MICAL3: variants seen among roughly 807,000 people sequenced by gnomAD.
The protein encoded by MICAL3 is [F-actin]-monooxygenase MICAL3.
A neutral mutation model predicts 207.4 loss-of-function variants in MICAL3; 62 were observed. The ratio of observed to expected loss-of-function variants is 0.30; its 90% CI spans 0.24 to 0.37. The LOEUF (loss-of-function observed/expected upper bound fraction) is 0.37, where lower values mean the gene tolerates loss of function less well. MICAL3 is among the 10% of genes least tolerant of loss of function. The pLI is 1.00. For synonymous variants in MICAL3, 1,077 were observed against 1,069.3 expected, an observed-to-expected ratio of 1.01 and a Z score of -0.14; for missense variants, 2,368 against 2,635.6, an observed-to-expected ratio of 0.90 and a Z score of 2.22.
chr22:17,858,148 A>G (rs2146119656), intron 19 of MICAL3, among the ~76,000 whole-genome samples: 1 of 152,316 alleles, frequency 6.6e-6, no homozygotes, highest in Non-Finnish European at 1.5e-5. Flanking sequence ...CCGGGCAATG[A>G]AACGTGTTTC....
At chr22:17,849,875 G>A (rs1925104953) in intron 19 of MICAL3, among the ~76,000 whole-genome samples, 1 of 150,084 alleles carries the variant, frequency 6.7e-6, no homozygotes, top group Non-Finnish European at 1.5e-5. Context: ...TATATTTTTA[G>A]TACAGACGGG....
chr22:17,910,910 C>T (rs1322556475), intron 1 of MICAL3, among the ~76,000 whole-genome samples: 1 of 152,212 alleles, frequency 6.6e-6, no homozygotes, highest in African/African-American at 2.4e-5. Flanking sequence ...TTCATAATCA[C>T]AGGAACCTGG....
chr22:17,841,962 G>A lies in MICAL3; in HGVS notation c.2661C>T (p.Thr887=). The part of the protein sequence containing the change: ...EPSIAKRLRG[T]PERIELENYR... ...AGTTCTCCAGCTCGATCCGCTCTGG[G>A]GTGCCCCTCAGTCGCTTGGCGATGC... is the stretch of plus-strand genomic sequence containing the variant. Residue 887 remains threonine (T), a synonymous_variant, in exon 20 of 32, where the codon ACC becomes ACT. Transcript: ENST00000441493. The surrounding 1 kb of genome is among the most constrained non-coding windows in gnomAD (Gnocchi z 4.2). 1 of 1,607,328 alleles carries A rather than the reference G, an allele frequency of 6.2e-7. No homozygotes were observed. The highest frequency in any genetic ancestry group is 2.2e-5 in the East Asian group (1 of 44,836).
intron 1 of MICAL3, among the ~76,000 whole-genome samples, chr22:17,975,762 G>A (rs1220260977): frequency 6.6e-6 from 1 of 152,164 alleles, no homozygotes; most frequent in Non-Finnish European, 1.5e-5. Context: ...CCTGGCATAT[G>A]TCCTCATGTT....
intron 16 of MICAL3, among the ~76,000 whole-genome samples, chr22:17,877,215 AT>A (rs1928725679): frequency 3.5e-5 from 4 of 113,426 alleles, no homozygotes; most frequent in Admixed American, 1.6e-4. Context: ...TATGGAGGTT[AT>A]GGAGGTTAGG....
chr22:17,906,786 C>A lies in MICAL3; in HGVS notation c.27G>T (p.Met9Ile), dbSNP rs778125499. The stretch of plus-strand genomic sequence containing the variant: ...GGTCAAAGAGGACATGAGCTGGGTT[C>A]ATGGTCTCATGCTTCCTCTCCTCCA... Reference protein sequence around the residue: MEERKHETMNPAHVLFDRF... With the variant: MEERKHETINPAHVLFDRF... Residue 9 changes from methionine (M) to isoleucine (I), a missense_variant, in exon 2 of 32, where the codon ATG becomes ATT. Transcript: ENST00000441493. 6 of 1,610,498 alleles carry A rather than the reference C, an allele frequency of 3.7e-6. No homozygotes were observed. Among genetic ancestry groups the A allele is most frequent in the Non-Finnish European group, 5.1e-6 (6 of 1,177,698 alleles).
At chr22:17,994,714 T>A (rs1266993825) in intron 1 of MICAL3, among the ~76,000 whole-genome samples, 1 of 141,662 alleles carries the variant, frequency 7.1e-6, no homozygotes, top group Non-Finnish European at 1.5e-5. Context: ...AGAGTAAGAC[T>A]CTGTCTCAAA....
chr22:17,820,819 ATTT>A (rs1236958316), intron 25 of MICAL3, among the ~76,000 whole-genome samples: 1 of 147,870 alleles, frequency 6.8e-6, no homozygotes, highest in Non-Finnish European at 1.5e-5. Flanking sequence ...AAATTATATT[ATTT>A]TTAATATATT....
In MICAL3 at chr22:17,902,973, C is replaced by G. The variant is rs1184642955; in HGVS notation, c.473-226G>C. Among the ~76,000 whole-genome samples the G allele has an allele frequency of 6.6e-6, 1 of 152,196 alleles. No individual in the cohort carries two copies. The highest frequency in any genetic ancestry group is 6.5e-5 in the Admixed American group (1 of 15,284). Reference sequence around the variant, plus strand: ...TTCTAGAGCAACACACAGGACACTCCCACGTCTCGGGTTCAGTGTTTTAAA... The same window carrying G: ...TTCTAGAGCAACACACAGGACACTCGCACGTCTCGGGTTCAGTGTTTTAAA... On this transcript the variant is annotated intron_variant, in intron 3 of 31. Coordinates refer to ENST00000441493, the MANE Select transcript of MICAL3 (RefSeq NM_015241.3). The surrounding 1 kb of genome is among the most constrained non-coding windows in gnomAD (Gnocchi z 4.5).
intron 1 of MICAL3, among the ~76,000 whole-genome samples, chr22:17,922,443 C>T (rs1386371334): frequency 2.0e-5 from 3 of 152,144 alleles, no homozygotes; most frequent in Non-Finnish European, 4.4e-5. Flanking sequence ...AGGAAGCAGC[C>T]ACAGTTGAGT....
At chr22:17,846,007 G>T (rs1924595072) in intron 19 of MICAL3, among the ~76,000 whole-genome samples, 1 of 152,216 alleles carries the variant, frequency 6.6e-6, no homozygotes. Flanking sequence ...CTCTGGAAGG[G>T]GAAATGCTGA....
At chr22:17,968,230 G>T (rs1323831634) in intron 1 of MICAL3, among the ~76,000 whole-genome samples, 1 of 152,118 alleles carries the variant, frequency 6.6e-6, no homozygotes. Flanking sequence ...ATGAGCAAAG[G>T]GGGAATCAGA....
intron 1 of MICAL3, among the ~76,000 whole-genome samples, chr22:17,997,946 G>T (rs1437790688): frequency 6.6e-6 from 1 of 151,098 alleles, no homozygotes; most frequent in Non-Finnish European, 1.5e-5. Context: ...AAAAAGAAAA[G>T]AAAAAAGAAA....
intron 11 of MICAL3, 141 bp from the exon 12 acceptor site, chr22:17,891,773 GA>G (rs1930412047): frequency 1.4e-6 from 1 of 719,490 alleles, no homozygotes; most frequent in African/African-American, 1.8e-5. Flanking sequence ...TCCATGCAAA[GA>G]AAACAGTGAG....
chr22:17,956,626 G>A (rs2401414), intron 1 of MICAL3, among the ~76,000 whole-genome samples: 32,329 of 152,074 alleles, frequency 0.21, 3,621 homozygotes, highest in Middle Eastern at 0.29. Flanking sequence ...CCAAGATCAC[G>A]CCATTGCACT....
chr22:18,013,428 G>A (rs1923866943), intron 1 of MICAL3, among the ~76,000 whole-genome samples: 1 of 152,204 alleles, frequency 6.6e-6, no homozygotes. Context: ...CTTCAGAGAA[G>A]TTAAAAGATG....
At chr22:17,931,127 C>T (rs1186062921) in intron 1 of MICAL3, among the ~76,000 whole-genome samples, 1 of 152,176 alleles carries the variant, frequency 6.6e-6, no homozygotes, top group African/African-American at 2.4e-5. Flanking sequence ...ACCCCCACAC[C>T]CCCTGGTCCC....
intron 27 of MICAL3, chr22:17,813,286 CT>C (rs1416079549): frequency 6.6e-6 from 1 of 152,226 alleles, no homozygotes; most frequent in Non-Finnish European, 1.5e-5. Context: ...TATTAAACGG[CT>C]GAAAGGCATT....
intron 1 of MICAL3, among the ~76,000 whole-genome samples, chr22:17,923,580 G>T (rs1258267620): frequency 1.3e-5 from 2 of 152,226 alleles, no homozygotes; most frequent in Non-Finnish European, 2.9e-5. Context: ...GGGCCCAGTG[G>T]CAGTCTCAGG....
Sources: allele counts gnomAD v4.1 joint callset (sites outside exome capture counted in the v4.1 genomes callset), GRCh38; gene constraint gnomAD v4.1.1; non-coding constraint Gnocchi (gnomAD v3.1); transcripts MANE v1.5; gene names NCBI Gene and HGNC (gene_info 2026-07-23, HGNC 2026-07-21).